Variants in GNAQ observed in about 807,000 individuals in gnomAD.
The protein encoded by GNAQ is G protein subunit alpha q, also known as guanine nucleotide-binding protein G(q) subunit alpha.
A neutral mutation model predicts 43.9 loss-of-function variants in GNAQ; 8 were observed. The observed-to-expected ratio is 0.18, with a 90% CI of 0.11 to 0.33. GNAQ has a LOEUF of 0.33. Ranked by LOEUF, GNAQ falls within the 10% of genes least tolerant of loss-of-function variation. The probability of loss-of-function intolerance (pLI) is 1.00; values close to 1 mark genes in which losing one functional copy is unlikely to be tolerated. For synonymous variants in GNAQ, 155 were observed against 170.7 expected, an observed-to-expected ratio of 0.91 and a Z score of 0.71; for missense variants, 158 against 450.8, an observed-to-expected ratio of 0.35 and a Z score of 5.88.
intron 6 of GNAQ, among the ~76,000 whole-genome samples, chr9:77,728,138 G>A (rs1283697630): frequency 6.6e-6 from 1 of 151,986 alleles, no homozygotes; most frequent in Non-Finnish European, 1.5e-5. Context: ...GGGACTACAG[G>A]TGCCTGCCAC....
At chr9:77,959,084 C>T (rs191482180) in intron 1 of GNAQ, among the ~76,000 whole-genome samples, 20 of 152,254 alleles carry the variant, frequency 1.3e-4, no homozygotes, top group African/African-American at 4.6e-4. Flanking sequence ...ATAAACATCT[C>T]CATTAGAATC....
At chr9:77,780,297 C>G (rs1015874851) in intron 5 of GNAQ, among the ~76,000 whole-genome samples, 2 of 151,844 alleles carry the variant, frequency 1.3e-5, no homozygotes, top group African/African-American at 2.4e-5. Context: ...CTTTAGTACC[C>G]TCTGTTCCAC....
chr9:77,837,081 C>G (rs541524696), intron 2 of GNAQ, among the ~76,000 whole-genome samples: 4 of 152,118 alleles, frequency 2.6e-5, no homozygotes, highest in Non-Finnish European at 4.4e-5. Flanking sequence ...AGTGGCTCTT[C>G]TTCAGGGTCT....
intron 1 of GNAQ, among the ~76,000 whole-genome samples, chr9:78,021,490 G>C (rs1823908819): frequency 6.6e-6 from 1 of 152,188 alleles, no homozygotes; most frequent in South Asian, 2.1e-4. Context: ...TGCTTTTAAT[G>C]AAAGCCCCAA....
At position 77,978,812 on chromosome 9, in the gene GNAQ, C is replaced by T. The variant is rs200834562; in HGVS notation, c.136+52288G>A. ...CAGTGGCTCACGCCTATAATCCCAGCACTTTGGGAGGCGAGGCGAGTGGAT... is the reference window on the plus strand; with the variant it reads ...CAGTGGCTCACGCCTATAATCCCAGTACTTTGGGAGGCGAGGCGAGTGGAT... On this transcript the variant is annotated intron_variant, in intron 1 of 6. Coordinates refer to ENST00000286548, the MANE Select transcript of GNAQ (RefSeq NM_002072.5). 3.3e-5 allele frequency among the ~76,000 whole-genome samples: 5 copies of T among 152,244 alleles called. No homozygotes were observed. In the East Asian group the frequency reaches 7.7e-4, roughly 24 times the overall value.
At chr9:77,940,611 T>C (rs1564158125) in intron 1 of GNAQ, among the ~76,000 whole-genome samples, 1 of 151,502 alleles carries the variant, frequency 6.6e-6, no homozygotes, top group East Asian at 2.0e-4. Flanking sequence ...TTAAAAAGAA[T>C]CTAACACATT....
chr9:77,846,531 G>C (rs1369007787), intron 2 of GNAQ, among the ~76,000 whole-genome samples: 1 of 152,178 alleles, frequency 6.6e-6, no homozygotes, highest in Non-Finnish European at 1.5e-5. Flanking sequence ...GGTAGGCCAA[G>C]AAGACCTCTT....
chr9:77,929,605 TG>T (rs915114880), intron 1 of GNAQ, among the ~76,000 whole-genome samples: 1 of 151,770 alleles, frequency 6.6e-6, no homozygotes, highest in African/African-American at 2.4e-5. Context: ...CCGAGGTGGG[TG>T]GAACATTTGA....
intron 1 of GNAQ, among the ~76,000 whole-genome samples, chr9:77,984,931 C>T (rs901475647): frequency 6.6e-6 from 1 of 152,156 alleles, no homozygotes; most frequent in African/African-American, 2.4e-5. Context: ...TCAAAATGGA[C>T]TACCATTTGA....
intron 2 of GNAQ, among the ~76,000 whole-genome samples, chr9:77,830,569 T>C (rs1827283239): frequency 1.3e-5 from 2 of 152,192 alleles, no homozygotes; most frequent in African/African-American, 4.8e-5. Flanking sequence ...AAAACACGTT[T>C]TTCTTTTACA....
At chr9:77,809,211 T>C (rs866518024) in intron 3 of GNAQ, among the ~76,000 whole-genome samples, 14 of 152,182 alleles carry the variant, frequency 9.2e-5, no homozygotes, top group African/African-American at 1.9e-4. Context: ...CTCCGGATCA[T>C]GTGGAAATTT....
intron 2 of GNAQ, among the ~76,000 whole-genome samples, chr9:77,883,385 T>C (rs1024982036): frequency 6.6e-6 from 1 of 152,016 alleles, no homozygotes; most frequent in Admixed American, 6.5e-5. Flanking sequence ...AAGAAACTTA[T>C]GAATCAGAGT....
At chr9:77,869,907 A>C (rs1434583486) in intron 2 of GNAQ, among the ~76,000 whole-genome samples, 1 of 152,230 alleles carries the variant, frequency 6.6e-6, no homozygotes, top group Admixed American at 6.5e-5. Context: ...TTAATTTGAT[A>C]AGTAAATGGA....
At chr9:77,953,010 A>G (rs541996418) in intron 1 of GNAQ, among the ~76,000 whole-genome samples, 1 of 152,358 alleles carries the variant, frequency 6.6e-6, no homozygotes, top group African/African-American at 2.4e-5. Context: ...TTCAAGCTAC[A>G]TTATTGATAA....
chr9:77,924,588 T>C (rs1275243946), intron 1 of GNAQ, among the ~76,000 whole-genome samples: 1 of 152,166 alleles, frequency 6.6e-6, no homozygotes, highest in Non-Finnish European at 1.5e-5. Flanking sequence ...ATATGAAGTA[T>C]AAGCACACTG....
intron 1 of GNAQ, among the ~76,000 whole-genome samples, chr9:77,959,618 A>G (rs1823083371): frequency 6.6e-6 from 1 of 152,212 alleles, no homozygotes; most frequent in Non-Finnish European, 1.5e-5. Flanking sequence ...AAAACATTAT[A>G]GCACAGTATA....
intron 1 of GNAQ, among the ~76,000 whole-genome samples, chr9:77,955,928 T>C (rs1210529018): frequency 6.6e-6 from 1 of 152,196 alleles, no homozygotes; most frequent in South Asian, 2.1e-4. Context: ...AGGTGATGTT[T>C]CTCTTCCGAT....
chr9:77,815,063 T>C (rs1826990597), intron 3 of GNAQ, among the ~76,000 whole-genome samples: 1 of 152,182 alleles, frequency 6.6e-6, no homozygotes, highest in South Asian at 2.1e-4. Context: ...TATGCAAAAT[T>C]AGACTCACAT....
At chr9:77,936,208 T>C (rs181285824) in intron 1 of GNAQ, among the ~76,000 whole-genome samples, 1 of 152,314 alleles carries the variant, frequency 6.6e-6, no homozygotes, top group East Asian at 1.9e-4. Flanking sequence ...CCTCTTGTTC[T>C]ACAACCCATG....
Sources: gnomAD v4.1 joint callset for allele counts (sites outside exome capture counted in the v4.1 genomes callset) on GRCh38, gnomAD v4.1.1 for gene constraint, MANE v1.5 for transcripts, NCBI Gene and HGNC (gene_info 2026-07-23, HGNC 2026-07-21) for gene names.